Variants in PCDH9 observed in about 807,000 individuals in gnomAD.
PCDH9 encodes protocadherin-9.
In PCDH9, 24 loss-of-function variants were observed where a neutral mutation model predicts 70.6. The observed-to-expected ratio is 0.34, with a 90% confidence interval of 0.25 to 0.48. PCDH9 has a LOEUF of 0.48. Among genes scored for constraint, PCDH9 ranks in the 20% least tolerant of loss-of-function variants. The probability of loss-of-function intolerance (pLI) is 0.99; values close to 1 mark genes in which losing one functional copy is unlikely to be tolerated. For synonymous variants in PCDH9, 562 were observed against 558.5 expected (o/e 1.01, Z -0.09); for missense variants, 1,281 against 1,503.6 (o/e 0.85, Z 2.45).
At chr13:66,597,901 A>G (rs776751863) in intron 4 of PCDH9, among the ~76,000 whole-genome samples, 2 of 151,764 alleles carry the variant, frequency 1.3e-5, no homozygotes, top group African/African-American at 2.4e-5. Context: ...AAAAAATGGG[A>G]AAAAGTCTTG....
At chr13:66,711,029 T>G (rs1005274468) in intron 3 of PCDH9, among the ~76,000 whole-genome samples, 2 of 152,138 alleles carry the variant, frequency 1.3e-5, no homozygotes, top group African/African-American at 4.8e-5. Flanking sequence ...TTCACAGATA[T>G]TTGAGATTAG....
intron 3 of PCDH9, among the ~76,000 whole-genome samples, chr13:66,716,785 TAGA>T (rs758803622): frequency 1.3e-5 from 2 of 152,180 alleles, no homozygotes; most frequent in Non-Finnish European, 2.9e-5. Flanking sequence ...TACTCAGTGG[TAGA>T]ATTACCCTGA....
intron 2 of PCDH9, among the ~76,000 whole-genome samples, chr13:67,073,511 G>A (rs183778931): frequency 6.6e-6 from 1 of 151,936 alleles, no homozygotes; most frequent in East Asian, 1.9e-4. Context: ...AAAAAAAAAT[G>A]TGTGAATCAT....
At chr13:67,082,930 ATTTG>A (rs2086015337) in intron 2 of PCDH9, among the ~76,000 whole-genome samples, 1 of 152,096 alleles carries the variant, frequency 6.6e-6, no homozygotes, top group East Asian at 1.9e-4. Flanking sequence ...CATTGATTCT[ATTTG>A]TTCTTTTTAA....
At chr13:66,991,548 C>T (rs535320363) in intron 2 of PCDH9, among the ~76,000 whole-genome samples, 21 of 151,862 alleles carry the variant, frequency 1.4e-4, no homozygotes, top group Admixed American at 5.2e-4. Context: ...ACTTAGAATC[C>T]TTTATTAATT....
intron 2 of PCDH9, among the ~76,000 whole-genome samples, chr13:67,181,128 G>C (rs770529180): frequency 1.3e-5 from 2 of 152,096 alleles, no homozygotes; most frequent in Non-Finnish European, 2.9e-5. Flanking sequence ...TCTATAAAAG[G>C]CATTAACATA....
At chr13:67,150,596 A>G (rs1476583119) in intron 2 of PCDH9, among the ~76,000 whole-genome samples, 1 of 152,222 alleles carries the variant, frequency 6.6e-6, no homozygotes, top group East Asian at 1.9e-4. Context: ...AAGTATTTTA[A>G]GTCATGTGAT....
At chr13:67,180,280 C>T (rs562954976) in intron 2 of PCDH9, among the ~76,000 whole-genome samples, 9 of 151,908 alleles carry the variant, frequency 5.9e-5, no homozygotes, top group Admixed American at 5.9e-4. Context: ...TTGAAGCCTG[C>T]AAGTTTTAAC....
chr13:66,948,013 G>A (rs550099849), intron 2 of PCDH9, among the ~76,000 whole-genome samples: 1 of 152,256 alleles, frequency 6.6e-6, no homozygotes, highest in South Asian at 2.1e-4. Context: ...GGGGGATGAT[G>A]TGAGAGATGC....
intron 3 of PCDH9, among the ~76,000 whole-genome samples, chr13:66,758,742 G>C (rs552458545): frequency 1.3e-5 from 2 of 151,966 alleles, no homozygotes; most frequent in Non-Finnish European, 2.9e-5. Context: ...CAGTGATGCC[G>C]TCAAATTCTG....
At chr13:66,555,520 T>C (rs925831594) in intron 4 of PCDH9, among the ~76,000 whole-genome samples, 8 of 152,246 alleles carry the variant, frequency 5.3e-5, no homozygotes, top group African/African-American at 1.9e-4. Flanking sequence ...CTTGAAAGTA[T>C]TTAAGTTTTA....
chr13:66,652,938 C>A (rs2077873823), intron 3 of PCDH9, among the ~76,000 whole-genome samples: 1 of 152,056 alleles, frequency 6.6e-6, no homozygotes, highest in South Asian at 2.1e-4. Context: ...AACTGCATAT[C>A]CACATGCAGA....
chr13:66,518,102 TG>T (rs1959825518), intron 4 of PCDH9, among the ~76,000 whole-genome samples: 1 of 152,074 alleles, frequency 6.6e-6, no homozygotes, highest in Admixed American at 6.6e-5. Flanking sequence ...GTTTGGCTTC[TG>T]GGGAGATATG....
chr13:67,019,691 T>C (rs2084637039), intron 2 of PCDH9, among the ~76,000 whole-genome samples: 1 of 152,094 alleles, frequency 6.6e-6, no homozygotes, highest in African/African-American at 2.4e-5. Context: ...CTTAAGGAGA[T>C]AAGGGGTAAC....
chr13:66,649,961 TA>T (rs1435950468), intron 3 of PCDH9, among the ~76,000 whole-genome samples: 387 of 141,146 alleles, frequency 2.7e-3, no homozygotes, highest in Non-Finnish European at 3.6e-3. Context: ...AACCTCAAAT[TA>T]AAAAAAAAAC....
intron 2 of PCDH9, among the ~76,000 whole-genome samples, chr13:67,067,156 G>A (rs2085664006): frequency 6.6e-6 from 1 of 152,026 alleles, no homozygotes; most frequent in Admixed American, 6.6e-5. Context: ...CCTACTACAT[G>A]CTATATTTTC....
chr13:67,035,110 A>G (rs2084984265), intron 2 of PCDH9, among the ~76,000 whole-genome samples: 1 of 152,138 alleles, frequency 6.6e-6, no homozygotes, highest in Non-Finnish European at 1.5e-5. Flanking sequence ...TTCATGGTGT[A>G]TATGAAGTTC....
At chr13:66,305,564 A>C (rs1435074736) in intron 4 of PCDH9, among the ~76,000 whole-genome samples, 2 of 152,110 alleles carry the variant, frequency 1.3e-5, no homozygotes, top group Admixed American at 1.3e-4. Flanking sequence ...GTTTTTTTCT[A>C]CATAAACACC....
chr13:66,937,375 T>C (rs1231067583), intron 2 of PCDH9, among the ~76,000 whole-genome samples: 2 of 152,240 alleles, frequency 1.3e-5, no homozygotes, highest in Non-Finnish European at 2.9e-5. Flanking sequence ...AGTCGTTATA[T>C]GTAGAATAGA....
Sources: gnomAD v4.1 joint callset for allele counts (sites outside exome capture counted in the v4.1 genomes callset) on GRCh38, gnomAD v4.1.1 for gene constraint, MANE v1.5 for transcripts, NCBI Gene and HGNC (gene_info 2026-07-23, HGNC 2026-07-21) for gene names.